Variants in SPG21 observed in about 807,000 individuals in gnomAD.
The protein encoded by SPG21 is SPG21 abhydrolase domain containing, maspardin, also known as maspardin.
SPG21 carries 26 observed loss-of-function variants against 38.9 expected under a neutral mutation model. The ratio of observed to expected loss-of-function variants is 0.67; its 90% CI spans 0.49 to 0.93. The LOEUF is 0.93. SPG21 is among the 40% of genes least tolerant of loss of function. SPG21 has a pLI of 0.00. For synonymous variants in SPG21, 136 were observed against 128.9 expected (o/e 1.05, Z -0.37); for missense variants, 333 against 376.5 (o/e 0.88, Z 0.96).
chr15:64,969,430 G>C (rs1347172818), intron 6 of SPG21, 68 bp from the exon 7 acceptor site: 11 of 1,122,422 alleles, frequency 9.8e-6, no homozygotes, highest in Non-Finnish European at 1.5e-5. Flanking sequence ...TAAATCCACA[G>C]ACAACATTTG....
intron 1 of SPG21, among the ~76,000 whole-genome samples, chr15:64,984,634 G>A (rs1253346224): frequency 6.6e-6 from 1 of 152,068 alleles, no homozygotes; most frequent in Non-Finnish European, 1.5e-5. Context: ...TTACGGGTAT[G>A]AGCTACCACA....
chr15:64,964,531 T>C (rs2085506224), intron 8 of SPG21, among the ~76,000 whole-genome samples: 1 of 152,206 alleles, frequency 6.6e-6, no homozygotes, highest in Admixed American at 6.5e-5. Context: ...TTTAAGGCTC[T>C]TGATTCATCT....
At chr15:64,974,135 T>G (rs967687585) in intron 5 of SPG21, among the ~76,000 whole-genome samples, 4 of 152,248 alleles carry the variant, frequency 2.6e-5, no homozygotes, top group Non-Finnish European at 5.9e-5. Flanking sequence ...GTTCATTCAA[T>G]TCTTTCCTTT....
chr15:64,968,666 AAATG>A (rs60697031), intron 7 of SPG21, among the ~76,000 whole-genome samples: 47,755 of 152,058 alleles, frequency 0.31, 8,619 homozygotes, highest in South Asian at 0.49. Flanking sequence ...ATGCACTTAA[AAATG>A]GTTAAAATGG....
chr15:64,965,175 G>A (rs2085517766), intron 8 of SPG21, 145 bp downstream of exon 8: 2 of 1,114,150 alleles, frequency 1.8e-6, no homozygotes, highest in Admixed American at 2.0e-5. Flanking sequence ...AGTTATAAAT[G>A]TAAACCACTT....
chr15:64,970,735 T>A (rs1159676141), intron 5 of SPG21, among the ~76,000 whole-genome samples: 1 of 152,164 alleles, frequency 6.6e-6, no homozygotes, highest in African/African-American at 2.4e-5. Flanking sequence ...ATTTTTTAAA[T>A]TTATTATTGT....
At chr15:64,982,514 T>C (rs961720605) in intron 2 of SPG21, among the ~76,000 whole-genome samples, 10 of 152,148 alleles carry the variant, frequency 6.6e-5, no homozygotes, top group Non-Finnish European at 1.2e-4. Flanking sequence ...ACTCCTGGCC[T>C]CAAATGATCC....
Position 64,963,436 on chromosome 15 carries a change from A to G in SPG21, c.*184T>C. ...AAAAGCTAAGAAAACCAAAGAGGGA[A>G]CAGTTACACAGGCTTAGTGGAGATG... On this transcript the variant is annotated 3_prime_UTR_variant, in exon 9 of 9. Transcript: ENST00000204566. The G allele has an allele frequency of 1.7e-6, 1 of 591,442 alleles. No individual in the cohort carries two copies. Among genetic ancestry groups the G allele is most frequent in the Non-Finnish European group, 3.0e-6 (1 of 331,258 alleles). 36.6% of individuals were successfully genotyped at this position (591,442 alleles called of 1,614,324 possible).
intron 2 of SPG21, chr15:64,981,291 T>C (rs1595878155): frequency 5.4e-6 from 1 of 186,060 alleles, no homozygotes; most frequent in Non-Finnish European, 1.1e-5. Context: ...CCCTCCTCCT[T>C]TTTTTTTTTT....
In SPG21 at chr15:64,963,491, T is replaced by C. The variant is rs1378090631; in HGVS notation, c.*129A>G. 5.4e-6 allele frequency: 4 copies of C among 739,510 alleles called. No individual in the cohort carries two copies. Among genetic ancestry groups the C allele is most frequent in the Non-Finnish European group, 7.3e-6 (3 of 413,644 alleles). The allele number at this position is 739,510 out of a possible 1,614,324, so 45.8% of individuals were successfully genotyped here. A position where few individuals can be genotyped will look rare whatever the true frequency, so the allele number is the denominator to read the frequency against. ...CTGTCATGAAGATGACCATCAGTCC[T>C]ACTTCCCAGACACAGTGAGAACCGG... is the stretch of plus-strand genomic sequence containing the variant. On this transcript the variant is annotated 3_prime_UTR_variant, in exon 9 of 9. Transcript: ENST00000204566.
intron 4 of SPG21, among the ~76,000 whole-genome samples, chr15:64,975,912 C>A (rs1379146696): frequency 6.6e-6 from 1 of 151,926 alleles, no homozygotes; most frequent in Non-Finnish European, 1.5e-5. Context: ...ATAGGCAAAT[C>A]CATAGAGATA....
intron 1 of SPG21, among the ~76,000 whole-genome samples, chr15:64,986,421 C>T (rs538509127): frequency 5.9e-5 from 9 of 151,544 alleles, no homozygotes; most frequent in Non-Finnish European, 1.0e-4. Context: ...CGCGGCGGCT[C>T]ACACCTGTAA....
chr15:64,970,595 T>C (rs1213257412), intron 5 of SPG21, among the ~76,000 whole-genome samples: 3 of 152,216 alleles, frequency 2.0e-5, no homozygotes, highest in Non-Finnish European at 2.9e-5. Context: ...CTGGTTGATA[T>C]TATGTTTTTA....
At chr15:64,980,780 A>G in intron 3 of SPG21, 84 bp downstream of exon 3, 1 of 1,419,216 alleles carries the variant, frequency 7.0e-7, no homozygotes, top group Non-Finnish European at 9.8e-7. Context: ...AACTGTGCCC[A>G]TTACTATAGC....
At chr15:64,978,827 G>T (rs1595876329) in intron 3 of SPG21, among the ~76,000 whole-genome samples, 3 of 152,142 alleles carry the variant, frequency 2.0e-5, no homozygotes, top group Admixed American at 2.0e-4. Context: ...AGCAGAACTG[G>T]GGAAGCCTGA....
intron 1 of SPG21, among the ~76,000 whole-genome samples, chr15:64,985,463 G>C (rs2085972571): frequency 6.6e-6 from 1 of 152,194 alleles, no homozygotes; most frequent in Non-Finnish European, 1.5e-5. Context: ...CAACTAAAAG[G>C]CTGCCCCTCT....
chr15:64,969,933 T>C (rs1205036769), intron 6 of SPG21, among the ~76,000 whole-genome samples, 181 bp downstream of exon 6: 1 of 152,204 alleles, frequency 6.6e-6, no homozygotes, highest in East Asian at 1.9e-4. Context: ...TTTTGATGAA[T>C]AGCTGGTGGG....
In SPG21 at chr15:64,969,298, A is replaced by G. The variant is rs771568865; in HGVS notation, c.626T>C (p.Val209Ala). The change falls in exon 7 of 9, where the codon GTG becomes GCG. Residue 209 changes from valine (V) to alanine (A), a missense_variant. Coordinates refer to ENST00000204566, the MANE Select transcript of SPG21 (RefSeq NM_016630.7). ...TATGTCCCGAATTTTATGAGGTTCC[A>G]CATAAGAATTTTGACAATTCAAGGT... is the stretch of plus-strand genomic sequence containing the variant. Reference protein sequence around the residue: ...RLTLNCQNSYVEPHKIRDIPV... With the variant: ...RLTLNCQNSYAEPHKIRDIPV... 6.2e-7 allele frequency: 1 copy of G among 1,614,106 alleles called. No individual in the cohort carries two copies. The highest frequency in any genetic ancestry group is 2.2e-5 in the East Asian group (1 of 44,878).
At chr15:64,981,289 C>CA in intron 2 of SPG21, 4 of 280,870 alleles carry the variant, frequency 1.4e-5, no homozygotes, top group Non-Finnish European at 1.3e-5. Flanking sequence ...CCCCCTCCTC[C>CA]TTTTTTTTTT....
Sources: gnomAD v4.1 joint callset for allele counts (sites outside exome capture counted in the v4.1 genomes callset) on GRCh38, gnomAD v4.1.1 for gene constraint, MANE v1.5 for transcripts, NCBI Gene and HGNC (gene_info 2026-07-23, HGNC 2026-07-21) for gene names.